Variants in PON3 observed in about 807,000 individuals in gnomAD.
The protein encoded by PON3 is paraoxonase 3.
In PON3, 37 loss-of-function variants were observed where a neutral mutation model predicts 36.3. The observed-to-expected ratio is 1.02, with a 90% CI of 0.78 to 1.34. PON3 has a LOEUF of 1.34. Among genes scored for constraint, PON3 ranks in the 40% most tolerant of loss-of-function variants. PON3 has a pLI of 0.00. For synonymous variants in PON3, 155 were observed against 154.8 expected, an observed-to-expected ratio of 1.00 and a Z score of -0.01; for missense variants, 415 against 426.5, an observed-to-expected ratio of 0.97 and a Z score of 0.24.
At chr7:95,377,510 T>A in intron 3 of PON3, 1 of 389,548 alleles carries the variant, frequency 2.6e-6, no homozygotes, top group South Asian at 1.8e-5. Flanking sequence ...GGGAGACACC[T>A]CCCAGTAGGG....
chr7:95,368,804 CAA>C (rs1178368202), intron 4 of PON3, among the ~76,000 whole-genome samples: 2 of 99,980 alleles, frequency 2.0e-5, no homozygotes, highest in African/African-American at 7.0e-5. Context: ...AAAACAAAAA[CAA>C]AAACAAACAA....
intron 5 of PON3, chr7:95,364,609 G>C (rs546382933): frequency 5.5e-6 from 1 of 182,450 alleles, no homozygotes; most frequent in African/African-American, 2.4e-5. Flanking sequence ...GGTCCTCCTA[G>C]GGCCCTTAAT....
chr7:95,383,107 G>A (rs1809099766), intron 3 of PON3, among the ~76,000 whole-genome samples: 1 of 152,090 alleles, frequency 6.6e-6, no homozygotes, highest in African/African-American at 2.4e-5. Context: ...AAAACCACAT[G>A]ATTATCTCAC....
chr7:95,379,078 CAA>C (rs34582490), intron 3 of PON3, among the ~76,000 whole-genome samples: 35 of 146,214 alleles, frequency 2.4e-4, no homozygotes, highest in African/African-American at 3.3e-4. Context: ...AAATAAAAAG[CAA>C]AAAAAAAAAA....
chr7:95,362,817 T>A lies in PON3; in HGVS notation c.720A>T (p.Ala240=), dbSNP rs372873530. The change falls in exon 7 of 9, where the codon GCA becomes GCT. Residue 240 remains alanine, a synonymous_variant. Transcript: ENST00000265627. Reference sequence around the variant, plus strand: ...TTTCCATTATGTGAATGTTCTTAGCTGCTACATCAGCTACATAGACATACC... The same window carrying A: ...TTTCCATTATGTGAATGTTCTTAGCAGCTACATCAGCTACATAGACATACC... The part of the protein sequence containing the change: ...DQKYVYVADV[A]AKNIHIMEKH... The A allele has an allele frequency of 1.4e-5, 22 of 1,611,410 alleles. No homozygotes were observed. Among genetic ancestry groups the A allele is most frequent in the Non-Finnish European group, 1.9e-5 (22 of 1,177,820 alleles).
intron 8 of PON3, 107 bp from the exon 9 acceptor site, chr7:95,360,238 T>C (rs1204890000): frequency 9.4e-7 from 1 of 1,063,804 alleles, no homozygotes; most frequent in Non-Finnish European, 1.4e-6. Flanking sequence ...AATCAGAAGC[T>C]AAAATCTGTA....
chr7:95,380,820 G>A lies in PON3; in HGVS notation c.202-8482C>T, dbSNP rs56384414. On this transcript the variant is annotated intron_variant, in intron 3 of 8. Transcript: ENST00000265627. The stretch of plus-strand genomic sequence containing the variant: ...AGAACTTCCCCAACCTAGCAAGGTA[G>A]GCCAACATTCAAATTCAGGAAATAC... Among the ~76,000 whole-genome samples the A allele has an allele frequency of 5.9e-3, 900 of 152,256 alleles. 5 individuals carry two copies. Among genetic ancestry groups the A allele is most frequent in the African/African-American group, 0.02 (841 of 41,554 alleles).
At chr7:95,374,812 C>A (rs1253231221) in intron 3 of PON3, among the ~76,000 whole-genome samples, 1 of 152,108 alleles carries the variant, frequency 6.6e-6, no homozygotes, top group Non-Finnish European at 1.5e-5. Flanking sequence ...AAGTTGAGTT[C>A]CCAGATAGAA....
At chr7:95,395,497 TGG>T (rs1809409411) in intron 1 of PON3, among the ~76,000 whole-genome samples, 1 of 152,168 alleles carries the variant, frequency 6.6e-6, no homozygotes, top group Non-Finnish European at 1.5e-5. Flanking sequence ...ACTCTCAAAC[TGG>T]AAGTATTACT....
intron 3 of PON3, among the ~76,000 whole-genome samples, chr7:95,389,937 C>A (rs990763792): frequency 8.5e-5 from 13 of 152,160 alleles, no homozygotes; most frequent in Middle Eastern, 3.2e-3. Context: ...TGCCACTACC[C>A]CCAGGGAGTT....
intron 4 of PON3, among the ~76,000 whole-genome samples, chr7:95,370,289 G>A (rs1808780622): frequency 6.6e-6 from 1 of 152,162 alleles, no homozygotes. Context: ...CAGAATCAGG[G>A]AAGGCATGCT....
At chr7:95,389,396 A>T (rs1315288856) in intron 3 of PON3, among the ~76,000 whole-genome samples, 1 of 152,200 alleles carries the variant, frequency 6.6e-6, no homozygotes, top group Non-Finnish European at 1.5e-5. Context: ...ATTGCCCCAA[A>T]TGGAATATTA....
chr7:95,376,442 A>G (rs1176791385), intron 3 of PON3, among the ~76,000 whole-genome samples: 1 of 152,200 alleles, frequency 6.6e-6, no homozygotes, highest in Non-Finnish European at 1.5e-5. Context: ...CCAAAAGAAC[A>G]AGGTCCTGAA....
intron 6 of PON3, 166 bp downstream of exon 6, chr7:95,363,697 A>C (rs2116376434): frequency 1.4e-6 from 1 of 727,292 alleles, no homozygotes; most frequent in Non-Finnish European, 2.4e-6. Context: ...AAGGAAACAA[A>C]TGGATTGCTT....
chr7:95,386,148 A>C (rs1389001893), intron 3 of PON3, among the ~76,000 whole-genome samples: 1 of 152,220 alleles, frequency 6.6e-6, no homozygotes, highest in Non-Finnish European at 1.5e-5. Context: ...GAACTGAAGG[A>C]GATAGATACA....
At chr7:95,384,162 C>T (rs899330188) in intron 3 of PON3, among the ~76,000 whole-genome samples, 5 of 151,950 alleles carry the variant, frequency 3.3e-5, no homozygotes, top group Admixed American at 6.6e-5. Context: ...TGTAGAAAGC[C>T]AAAACTGGAT....
chr7:95,360,671 A>T (rs1301514082), intron 8 of PON3, among the ~76,000 whole-genome samples: 6 of 152,222 alleles, frequency 3.9e-5, no homozygotes, highest in Non-Finnish European at 8.8e-5. Flanking sequence ...TGATCCCAGG[A>T]TTAATACACT....
chr7:95,363,866 T>G lies in PON3; in HGVS notation c.692A>C (p.Gln231Pro). Residue 231 changes from glutamine (Q) to proline (P), a missense_variant, in exon 6 of 9, where the codon CAG becomes CCG. Transcript: ENST00000265627. ...AAAAATACACAAAAGAGCTTACTTCTGGTCTGCTGAGACTGTGATCCCATT... is the reference window on the plus strand; with the variant it reads ...AAAAATACACAAAAGAGCTTACTTCGGGTCTGCTGAGACTGTGATCCCATT... Reference protein sequence around the residue: ...SANGITVSADQKYVYVADVAA... With the variant: ...SANGITVSADPKYVYVADVAA... 6.2e-7 allele frequency: 1 copy of G among 1,612,908 alleles called. No homozygotes were observed.
intron 3 of PON3, among the ~76,000 whole-genome samples, chr7:95,389,591 A>C (rs1417738164): frequency 1.3e-5 from 2 of 152,134 alleles, no homozygotes; most frequent in Non-Finnish European, 2.9e-5. Flanking sequence ...TAACTTCTTG[A>C]TTATTCCTGT....
Sources: allele counts gnomAD v4.1 joint callset (sites outside exome capture counted in the v4.1 genomes callset), GRCh38; gene constraint gnomAD v4.1.1; transcripts MANE v1.5; gene names NCBI Gene and HGNC (gene_info 2026-07-23, HGNC 2026-07-21).